The following CSGALNACT2 variants were observed in gnomAD, a reference collection of about 807,000 sequenced individuals.
The protein encoded by CSGALNACT2 is beta 4 GalNAcT-2.
Under a neutral mutation model 55.3 loss-of-function variants are expected in CSGALNACT2, and 35 were observed. That is an observed-to-expected ratio of 0.63 (90% CI 0.48 to 0.84). The LOEUF (loss-of-function observed/expected upper bound fraction) is 0.84, where lower values mean the gene tolerates loss of function less well. Among genes scored for constraint, CSGALNACT2 ranks in the 40% least tolerant of loss-of-function variants. The pLI is 0.00. For missense variants in CSGALNACT2, 544 were observed against 657.5 expected, an observed-to-expected ratio of 0.83 and a Z score of 1.89; for synonymous variants, 196 against 224.9, an observed-to-expected ratio of 0.87 and a Z score of 1.15.
chr10:43,169,605 A>G (rs1017157289), intron 6 of CSGALNACT2, among the ~76,000 whole-genome samples: 4 of 152,216 alleles, frequency 2.6e-5, no homozygotes, highest in Admixed American at 2.6e-4. Context: ...TGAGAGAAAA[A>G]TTAAGACAAG....
intron 5 of CSGALNACT2, among the ~76,000 whole-genome samples, chr10:43,166,671 T>A (rs2133134962): frequency 6.6e-6 from 1 of 152,314 alleles, no homozygotes; most frequent in East Asian, 1.9e-4. Flanking sequence ...TTATCAGAGG[T>A]TAATCTACGT....
At chr10:43,151,910 G>A (rs903734102) in intron 1 of CSGALNACT2, among the ~76,000 whole-genome samples, 2 of 152,176 alleles carry the variant, frequency 1.3e-5, no homozygotes, top group African/African-American at 4.8e-5. Context: ...TTGTTGGCAG[G>A]AAAAGTTGTT....
intron 1 of CSGALNACT2, among the ~76,000 whole-genome samples, chr10:43,145,977 G>A (rs1014788769): frequency 6.6e-6 from 1 of 151,942 alleles, no homozygotes; most frequent in African/African-American, 2.4e-5. Flanking sequence ...AACTTGGCCT[G>A]GACTACATAG....
chr10:43,158,777 C>T lies in CSGALNACT2; in HGVS notation c.724C>T (p.Leu242Phe). The change falls in exon 3 of 8, where the codon CTT (leucine) becomes TTT (phenylalanine). Residue 242 changes from leucine to phenylalanine, a missense_variant. Physicochemically the swap from Leu to Phe is conservative, Grantham distance 22. Around this residue, in one of 2 missense-constraint regions of CSGALNACT2, gnomAD observed 374 missense variants for 401.3 expected, o/e 0.93. Coordinates refer to ENST00000374466, the MANE Select transcript of CSGALNACT2 (RefSeq NM_018590.5). ...TGAACTCTTTTTTAAGAAAGCAGAC[C>T]TTACGGAATATAGACATGTGACCCT... ...QYELFFKKADLTEYRHVTLFR... is the reference protein window; with the variant it reads ...QYELFFKKADFTEYRHVTLFR... 1 of 1,612,596 alleles carries T rather than the reference C, an allele frequency of 6.2e-7. No individual in the cohort carries two copies. The highest frequency in any genetic ancestry group is 8.5e-7 in the Non-Finnish European group (1 of 1,178,858).
chr10:43,143,324 A>C (rs1218026085), intron 1 of CSGALNACT2, among the ~76,000 whole-genome samples: 1 of 152,228 alleles, frequency 6.6e-6, no homozygotes, highest in African/African-American at 2.4e-5. Context: ...GATGAACATT[A>C]AGTTGCTTAT....
Position 43,183,300 on chromosome 10 carries a change from T to C in CSGALNACT2, c.1387T>C (p.Tyr463His), listed in dbSNP as rs746829317. 3 of 1,613,814 alleles carry C rather than the reference T, an allele frequency of 1.9e-6. No individual in the cohort carries two copies. The highest frequency in any genetic ancestry group is 2.2e-5 in the South Asian group (2 of 91,070). The change falls in exon 8 of 8, where the codon TAT becomes CAT. Residue 463 changes from tyrosine (Y) to histidine (H), a missense_variant. Around this residue, in one of 2 missense-constraint regions of CSGALNACT2, gnomAD observed 170 missense variants for 256.2 expected, o/e 0.66. Coordinates refer to ENST00000374466, the MANE Select transcript of CSGALNACT2 (RefSeq NM_018590.5). ...TTGGGGTGGAGAAGATGTTCATCTT[T>C]ATCGAAAATACTTACATGGTGACCT... Reference protein sequence around the residue: ...KGWGGEDVHLYRKYLHGDLIV... With the variant: ...KGWGGEDVHLHRKYLHGDLIV...
At position 43,170,294 on chromosome 10, in the gene CSGALNACT2, A is replaced by G. The variant is rs74966535; in HGVS notation, c.1254+3196A>G. Among the ~76,000 whole-genome samples, 1,289 of 152,316 alleles carry G rather than the reference A, an allele frequency of 8.5e-3. 53 individuals are homozygous for G. The East Asian group carries it at 0.096, about 11-fold the overall frequency. ...CTTCCAAATCTTAGTTTCTAATACT[A>G]TTCTCCAATCAAACGAGCCAGAGGT... On this transcript the variant is annotated intron_variant, in intron 6 of 7. Coordinates refer to ENST00000374466, the MANE Select transcript of CSGALNACT2 (RefSeq NM_018590.5).
intron 5 of CSGALNACT2, among the ~76,000 whole-genome samples, chr10:43,165,756 C>T (rs1013305259): frequency 5.9e-5 from 9 of 152,098 alleles, no homozygotes; most frequent in South Asian, 2.1e-4. Context: ...TTTGGGAGGC[C>T]GAGGCAGGCG....
At chr10:43,145,029 T>A (rs1323533119) in intron 1 of CSGALNACT2, among the ~76,000 whole-genome samples, 15 of 152,246 alleles carry the variant, frequency 9.9e-5, no homozygotes, top group Non-Finnish European at 2.9e-5. Context: ...TCTGTTTTAC[T>A]ACAGTTTGTC....
Position 43,146,214 on chromosome 10 carries a change from A to G in CSGALNACT2, c.-254+7647A>G, listed in dbSNP as rs573857324. Among the ~76,000 whole-genome samples, 10 of 152,296 alleles carry G rather than the reference A, an allele frequency of 6.6e-5. No homozygotes were observed. The South Asian group carries it at 2.1e-3, about 32-fold the overall frequency. ...TACGAGTCCCAAAAGTAGGGAAGCTAACAGTGCAGCCTTCAGTCTGTGCAG... is the reference window on the plus strand; with the variant it reads ...TACGAGTCCCAAAAGTAGGGAAGCTGACAGTGCAGCCTTCAGTCTGTGCAG... On this transcript the variant is annotated intron_variant, in intron 1 of 7. Transcript: ENST00000374466.
chr10:43,149,567 A>T (rs920224023), intron 1 of CSGALNACT2, among the ~76,000 whole-genome samples: 1 of 152,104 alleles, frequency 6.6e-6, no homozygotes, highest in Admixed American at 6.5e-5. Flanking sequence ...ATGATGTATG[A>T]TTCCTCTTAT....
intron 2 of CSGALNACT2, among the ~76,000 whole-genome samples, chr10:43,157,208 ATAAC>A (rs147988708): frequency 0.044 from 6,661 of 152,306 alleles, 175 homozygotes; most frequent in South Asian, 0.089. Context: ...AGGAAATAAG[ATAAC>A]TAAGTAACAT....
chr10:43,144,205 C>T (rs1259757653), intron 1 of CSGALNACT2, among the ~76,000 whole-genome samples: 1 of 152,172 alleles, frequency 6.6e-6, no homozygotes, highest in Non-Finnish European at 1.5e-5. Flanking sequence ...TTATATCTTT[C>T]AGAGGGCAGT....
chr10:43,155,687 T>C lies in CSGALNACT2; in HGVS notation c.538T>C (p.Leu180=), dbSNP rs1838989767. 2 of 1,614,058 alleles carry C rather than the reference T, an allele frequency of 1.2e-6. No homozygotes were observed. Among genetic ancestry groups the C allele is most frequent in the Non-Finnish European group, 1.7e-6 (2 of 1,179,994 alleles). Residue 180 remains leucine, a synonymous_variant, in exon 2 of 8, where the codon TTG becomes CTG. Coordinates refer to ENST00000374466, the MANE Select transcript of CSGALNACT2 (RefSeq NM_018590.5). Reference sequence around the variant, plus strand: ...AGTTAGAAAAGACAAACGAGATGAATTGGTGGAAGTTATTGAAGCGGGCTT... The same window carrying C: ...AGTTAGAAAAGACAAACGAGATGAACTGGTGGAAGTTATTGAAGCGGGCTT... ...KPVRKDKRDE[L]VEVIEAGLEV... is the part of the protein sequence containing the mutation.
rs1270361645 is a variant in CSGALNACT2 at position 43,184,777 on chromosome 10, C to A, written c.*1235C>A. 1 of 152,202 alleles carries A rather than the reference C, an allele frequency of 6.6e-6. No individual in the cohort carries two copies. Among genetic ancestry groups the A allele is most frequent in the Non-Finnish European group, 1.5e-5 (1 of 68,030 alleles). The allele number at this position is 152,202 out of a possible 1,614,324, so 9.4% of individuals were successfully genotyped here. The stretch of plus-strand genomic sequence containing the variant: ...TTGTCACACATGGATCTGTTACCAT[C>A]AGGTCAATTCCTAGTATGCATAAAT... On this transcript the variant is annotated 3_prime_UTR_variant, in exon 8 of 8. Transcript: ENST00000374466.
chr10:43,158,383 A>C (rs1401865768), intron 2 of CSGALNACT2, among the ~76,000 whole-genome samples: 4 of 152,106 alleles, frequency 2.6e-5, no homozygotes, highest in Non-Finnish European at 4.4e-5. Flanking sequence ...TCTAGATTTT[A>C]ATATTGCTAG....
At position 43,160,603 on chromosome 10, in the gene CSGALNACT2, AAC is replaced by A; in HGVS notation, c.980+9_980+10del. The A allele has an allele frequency of 2.4e-6, 3 of 1,271,714 alleles. No individual in the cohort carries two copies. The highest frequency in any genetic ancestry group is 1.5e-5 in the African/African-American group (1 of 68,350). The allele number at this position is 1,271,714 out of a possible 1,614,324, so 78.8% of individuals were successfully genotyped here. A position where few individuals can be genotyped will look rare whatever the true frequency, so the allele number is the denominator to read the frequency against. ...CCTAGAATCTGTCACCAGGTTGGTG[AAC>A]CACATCTGCAGTGAAGGCCTTGATA... is the stretch of plus-strand genomic sequence containing the variant. On this transcript the variant is annotated intron_variant, in intron 4 of 7. Coordinates refer to ENST00000374466, the MANE Select transcript of CSGALNACT2 (RefSeq NM_018590.5).
intron 5 of CSGALNACT2, among the ~76,000 whole-genome samples, chr10:43,166,325 TC>T (rs1443644405): frequency 6.6e-6 from 1 of 152,162 alleles, no homozygotes; most frequent in Non-Finnish European, 1.5e-5. Flanking sequence ...CTCCCACACT[TC>T]CTGACAATCA....
chr10:43,182,715 CAA>C (rs773763712), intron 7 of CSGALNACT2, among the ~76,000 whole-genome samples: 118 of 127,802 alleles, frequency 9.2e-4, no homozygotes, highest in Non-Finnish European at 7.5e-4. Context: ...CCATCTCCAC[CAA>C]AAAAAAAAAA....
Sources: gnomAD v4.1 joint callset for allele counts (sites outside exome capture counted in the v4.1 genomes callset) on GRCh38, gnomAD v4.1.1 for gene constraint, gnomAD v4.1.1 regional missense constraint, MANE v1.5 for transcripts, NCBI Gene and HGNC (gene_info 2026-07-23, HGNC 2026-07-21) for gene names.